CLPSL1: variants seen among roughly 807,000 people sequenced by gnomAD.
The protein encoded by CLPSL1 is colipase like 1.
A neutral mutation model predicts 9.3 loss-of-function variants in CLPSL1; 13 were observed. The observed-to-expected ratio is 1.40, with a 90% CI of 0.91 to 2.22. The LOEUF (loss-of-function observed/expected upper bound fraction) is 2.22, where lower values mean the gene tolerates loss of function less well. Among genes scored for constraint, CLPSL1 ranks in the 30% most tolerant of loss-of-function variants. CLPSL1 has a pLI of 0.00. For synonymous variants in CLPSL1, 58 were observed against 56.9 expected, an observed-to-expected ratio of 1.02 and a Z score of -0.08; for missense variants, 164 against 146.6, an observed-to-expected ratio of 1.12 and a Z score of -0.61.
At chr6:35,788,458 G>A (rs1383627700), downstream of CLPSL1, among the ~76,000 whole-genome samples, 2 of 152,272 alleles carry the variant, frequency 1.3e-5, no homozygotes, top group African/African-American at 4.8e-5. Context: ...AAATATCCAT[G>A]TGTATAAAGA....
downstream of CLPSL1, among the ~76,000 whole-genome samples, chr6:35,790,014 C>T (rs180944249): frequency 4.6e-3 from 700 of 152,244 alleles, no homozygotes; most frequent in Middle Eastern, 6.8e-3. Context: ...GCAGCCTCAT[C>T]CTTCTGGGCT....
chr6:35,784,641 T>G (rs1443505238), intron 1 of CLPSL1, among the ~76,000 whole-genome samples: 1 of 152,226 alleles, frequency 6.6e-6, no homozygotes, highest in Non-Finnish European at 1.5e-5. Context: ...GGTTCATGGC[T>G]GTAATCCCAA....
chr6:35,782,996 A>G (rs1767995447), intron 1 of CLPSL1, among the ~76,000 whole-genome samples: 2 of 152,174 alleles, frequency 1.3e-5, no homozygotes, highest in East Asian at 3.8e-4. Flanking sequence ...ACACCTTACT[A>G]GGTGCTCAGA....
chr6:35,790,513 G>T (rs1768165639), downstream of CLPSL1, among the ~76,000 whole-genome samples: 1 of 152,246 alleles, frequency 6.6e-6, no homozygotes, highest in Admixed American at 6.5e-5. Context: ...AGAATGTAGG[G>T]AAGTTCATGG....
chr6:35,787,328 G>A (rs1175073966), intron 2 of CLPSL1, among the ~76,000 whole-genome samples: 1 of 152,268 alleles, frequency 6.6e-6, no homozygotes, highest in Admixed American at 6.5e-5. Context: ...TTGGAATCCT[G>A]GATTGGGGCG....
At chr6:35,793,302 G>A (rs912435892) in intron 1 of CLPSL1, among the ~76,000 whole-genome samples, 26 of 152,226 alleles carry the variant, frequency 1.7e-4, no homozygotes, top group Non-Finnish European at 3.7e-4. Context: ...GCAGGCGCCT[G>A]TAGTCCCAGC....
downstream of CLPSL1, chr6:35,793,716 T>C (rs1768269393): frequency 2.7e-5 from 11 of 408,966 alleles, no homozygotes; most frequent in Non-Finnish European, 5.5e-5. Flanking sequence ...AATGCAATCC[T>C]AACTCATAAG....
downstream of CLPSL1, chr6:35,788,183 C>T: frequency 2.1e-5 from 8 of 376,698 alleles, no homozygotes; most frequent in South Asian, 5.6e-5. Flanking sequence ...CCTGGGTGGG[C>T]TGGGCTGGGG....
chr6:35,787,122 T>C lies in CLPSL1; in HGVS notation c.222+2T>C, dbSNP rs189055425. The C allele has an allele frequency of 7.6e-5, 122 of 1,611,468 alleles. No individual in the cohort carries two copies. In the African/African-American group the frequency reaches 1.2e-3, roughly 16 times the overall value. ...GAGGGCAGTCTGTGTCAAACGCAGG[T>C]GGGTATCGCCGCCCGGGGGGAGCCA... is the stretch of plus-strand genomic sequence containing the variant. On this transcript the variant is annotated splice_donor_variant, in intron 2 of 2. Coordinates refer to ENST00000373861, the MANE Select transcript of CLPSL1 (RefSeq NM_001010886.5). LOFTEE classifies it high-confidence loss of function.
At position 35,787,047 on chromosome 6, in the gene CLPSL1, G is replaced by A; in HGVS notation, c.149G>A (p.Cys50Tyr). The A allele has an allele frequency of 6.3e-7, 1 of 1,599,866 alleles. No individual in the cohort carries two copies. The highest frequency in any genetic ancestry group is 1.3e-5 in the African/African-American group (1 of 75,056). Residue 50 changes from cysteine (C) to tyrosine (Y), a missense_variant, in exon 2 of 3, where the codon TGC (cysteine) becomes TAC (tyrosine). Transcript: ENST00000373861. Reference protein sequence around the residue: ...IRNQDCETGCCQRAPDNCESH... With the variant: ...IRNQDCETGCYQRAPDNCESH... ...AACCAGGACTGCGAGACTGGCTGCT[G>A]CCAACGTGCTCCAGACAATTGCGAG...
At chr6:35,793,695 A>G (rs1350295609), downstream of CLPSL1, 6 of 431,786 alleles carry the variant, frequency 1.4e-5, no homozygotes, top group Admixed American at 1.6e-4. Flanking sequence ...TTTTTCTGCT[A>G]CTCACAGTTG....
intron 1 of CLPSL1, among the ~76,000 whole-genome samples, chr6:35,783,999 G>T (rs1193102279): frequency 6.6e-6 from 1 of 151,984 alleles, no homozygotes; most frequent in Non-Finnish European, 1.5e-5. Flanking sequence ...TTTTGCCAAG[G>T]TTAGGGACAC....
chr6:35,793,852 C>T (rs1161498010), downstream of CLPSL1, among the ~76,000 whole-genome samples: 3 of 152,242 alleles, frequency 2.0e-5, no homozygotes, highest in East Asian at 1.9e-4. Flanking sequence ...GCATCTCCAC[C>T]GAGGGGTCAG....
rs763504486 is a variant in CLPSL1, at chr6:35,788,106, G to A, written c.*96G>A. ...CTGTTCCCCAGAGCCTCCACCATGAGTGGAGGGAAGTGGGGAGTGATTGAA... is the reference window on the plus strand; with the variant it reads ...CTGTTCCCCAGAGCCTCCACCATGAATGGAGGGAAGTGGGGAGTGATTGAA... On this transcript the variant is annotated 3_prime_UTR_variant, in exon 3 of 3. Coordinates refer to ENST00000373861, the MANE Select transcript of CLPSL1 (RefSeq NM_001010886.5). The A allele has an allele frequency of 9.9e-7, 1 of 1,012,860 alleles. No individual in the cohort carries two copies. The highest frequency in any genetic ancestry group is 2.6e-5 in the East Asian group (1 of 38,094). The allele number at this position is 1,012,860 out of a possible 1,614,324, so 62.7% of individuals were successfully genotyped here.
chr6:35,788,809 G>A (rs1768139588), downstream of CLPSL1, among the ~76,000 whole-genome samples: 2 of 152,272 alleles, frequency 1.3e-5, no homozygotes, highest in African/African-American at 2.4e-5. Context: ...AAGTCTCAGT[G>A]TGTGGTGAGG....
intron 1 of CLPSL1, among the ~76,000 whole-genome samples, chr6:35,785,993 G>T (rs867730554): frequency 6.6e-6 from 1 of 151,444 alleles, no homozygotes; most frequent in Non-Finnish European, 1.5e-5. Context: ...GGTTGGGCGC[G>T]GTGGCTCATG....
Position 35,788,074 on chromosome 6 carries a change from G to A in CLPSL1, c.*64G>A. On this transcript the variant is annotated 3_prime_UTR_variant, in exon 3 of 3. Coordinates refer to ENST00000373861, the MANE Select transcript of CLPSL1 (RefSeq NM_001010886.5). ...CTCTCCTCCCTACCCAGAGCTCTGT[G>A]TTCACCCTGTTCCCCAGAGCCTCCA... 7.8e-7 allele frequency: 1 copy of A among 1,283,382 alleles called. No individual in the cohort carries two copies. The highest frequency in any genetic ancestry group is 1.1e-6 in the Non-Finnish European group (1 of 890,894). The allele number at this position is 1,283,382 out of a possible 1,614,324, so 79.5% of individuals were successfully genotyped here.
At chr6:35,786,858 A>T in intron 1 of CLPSL1, 140 bp from the exon 2 acceptor site, 1 of 1,113,654 alleles carries the variant, frequency 9.0e-7, no homozygotes, top group Non-Finnish European at 1.3e-6. Context: ...CCACGTAGAG[A>T]CCACCCTGCC....
chr6:35,781,086 G>A lies in CLPSL1; in HGVS notation c.-25G>A. On this transcript the variant is annotated 5_prime_UTR_variant, in exon 1 of 3. An upstream open reading frame in the 5' UTR loses its in-frame stop. Transcript: ENST00000373861. ...GTGCAGGATATTTCGCTGGACCCTA[G>A]AAAAGCCACCACGACCTGTGGGCCA... 6.2e-7 allele frequency: 1 copy of A among 1,612,708 alleles called. No individual in the cohort carries two copies.
Sources: gnomAD v4.1 joint callset for allele counts (sites outside exome capture counted in the v4.1 genomes callset) on GRCh38, gnomAD v4.1.1 for gene constraint, MANE v1.5 for transcripts, NCBI Gene and HGNC (gene_info 2026-07-23, HGNC 2026-07-21) for gene names.